The following CDK8 variants were observed in gnomAD, a reference collection of about 807,000 sequenced individuals.
The protein encoded by CDK8 is cyclin-dependent kinase 8.
A neutral mutation model predicts 71.5 loss-of-function variants in CDK8; 29 were observed. The observed-to-expected ratio is 0.41, with a 90% CI of 0.30 to 0.55. The LOEUF (loss-of-function observed/expected upper bound fraction) is 0.55, where lower values mean the gene tolerates loss of function less well. CDK8 is among the 20% of genes least tolerant of loss of function. The pLI, the probability that CDK8 is intolerant of heterozygous loss-of-function variation, is 0.37. For missense variants in CDK8, 288 were observed against 572.6 expected, an observed-to-expected ratio of 0.50 and a Z score of 5.07; for synonymous variants, 161 against 192.1, an observed-to-expected ratio of 0.84 and a Z score of 1.34.
intron 1 of CDK8, among the ~76,000 whole-genome samples, chr13:26,291,388 A>G (rs1001149784): frequency 2.0e-5 from 3 of 152,160 alleles, no homozygotes; most frequent in Admixed American, 6.5e-5. Flanking sequence ...ATGTATATAC[A>G]TATAGAAAGA....
chr13:26,359,237 C>T (rs1419781900), intron 4 of CDK8, among the ~76,000 whole-genome samples: 3 of 123,008 alleles, frequency 2.4e-5, no homozygotes, highest in Admixed American at 8.4e-5. Flanking sequence ...AGTTACGGGA[C>T]GTTACTGTTT....
chr13:26,404,658 C>A lies in CDK8; in HGVS notation c.*577C>A, dbSNP rs1243385773. The A allele has an allele frequency of 4.4e-5, 10 of 229,772 alleles. No homozygotes were observed. Among genetic ancestry groups the A allele is most frequent in the Non-Finnish European group, 8.6e-5 (10 of 116,114 alleles). 14.2% of individuals were successfully genotyped at this position (229,772 alleles called of 1,614,324 possible). ...TATTGCTTGGATTTTTTTGAAAGTA[C>A]AAAAAGCCACATAGTTTTTCCAGAA... On this transcript the variant is annotated 3_prime_UTR_variant, in exon 13 of 13. Coordinates refer to ENST00000381527, the MANE Select transcript of CDK8 (RefSeq NM_001260.3).
At chr13:26,403,170 A>T (rs1876342109) in intron 12 of CDK8, among the ~76,000 whole-genome samples, 1 of 152,144 alleles carries the variant, frequency 6.6e-6, no homozygotes, top group Non-Finnish European at 1.5e-5. Flanking sequence ...TACTGTGGTT[A>T]TATTTTTACT....
At chr13:26,291,612 C>G (rs1337062790) in intron 1 of CDK8, among the ~76,000 whole-genome samples, 1 of 152,152 alleles carries the variant, frequency 6.6e-6, no homozygotes. Flanking sequence ...TTACAAGAAG[C>G]AAGGACTTTC....
At chr13:26,375,160 T>C (rs1001177972) in intron 4 of CDK8, among the ~76,000 whole-genome samples, 1 of 152,170 alleles carries the variant, frequency 6.6e-6, no homozygotes, top group African/African-American at 2.4e-5. Context: ...TTAAATTTTA[T>C]AAGGAGAAAA....
intron 1 of CDK8, among the ~76,000 whole-genome samples, chr13:26,335,508 TCTGCTTGC>T (rs1271620510): frequency 6.6e-6 from 1 of 152,146 alleles, no homozygotes; most frequent in African/African-American, 2.4e-5. Flanking sequence ...TAGTGTTTAT[TCTGCTTGC>T]CAGCAGCTAT....
At chr13:26,315,509 G>A (rs1287540609) in intron 1 of CDK8, among the ~76,000 whole-genome samples, 1 of 152,148 alleles carries the variant, frequency 6.6e-6, no homozygotes, top group East Asian at 1.9e-4. Flanking sequence ...TGTAGCTAGG[G>A]GAGGGGATGT....
intron 1 of CDK8, among the ~76,000 whole-genome samples, chr13:26,260,780 A>C (rs1871738588): frequency 6.6e-6 from 1 of 152,200 alleles, no homozygotes; most frequent in Admixed American, 6.5e-5. Context: ...TCTAATTCTG[A>C]TTTATAAACA....
intron 1 of CDK8, among the ~76,000 whole-genome samples, chr13:26,272,525 G>A (rs943340633): frequency 5.3e-5 from 8 of 152,140 alleles, no homozygotes; most frequent in African/African-American, 1.9e-4. Flanking sequence ...CCTGCCTGAG[G>A]CAGTTTTACA....
rs1250311286 is a variant in CDK8, at chr13:26,401,035, C to T, written c.1032-234C>T. Reference sequence around the variant, plus strand: ...CTGGGATAAAAGAAGAAAGCTGAATCATACTCGATGATTATTGATCATTTG... The same window carrying T: ...CTGGGATAAAAGAAGAAAGCTGAATTATACTCGATGATTATTGATCATTTG... On this transcript the variant is annotated intron_variant, in intron 10 of 12. Coordinates refer to ENST00000381527, the MANE Select transcript of CDK8 (RefSeq NM_001260.3). The surrounding 1 kb of genome is among the most constrained non-coding windows in gnomAD (Gnocchi z 4.5). Among the ~76,000 whole-genome samples, 1 of 152,154 alleles carries T rather than the reference C, an allele frequency of 6.6e-6. No individual in the cohort carries two copies. Among genetic ancestry groups the T allele is most frequent in the South Asian group, 2.1e-4 (1 of 4,824 alleles).
intron 1 of CDK8, among the ~76,000 whole-genome samples, chr13:26,311,402 G>A (rs1482184397): frequency 2.6e-5 from 4 of 151,980 alleles, no homozygotes; most frequent in South Asian, 2.1e-4. Flanking sequence ...GTTAGAATGC[G>A]TTTGGTCGCA....
chr13:26,313,986 G>A (rs1027180949), intron 1 of CDK8, among the ~76,000 whole-genome samples: 19 of 152,170 alleles, frequency 1.2e-4, no homozygotes, highest in African/African-American at 3.9e-4. Flanking sequence ...CCAGGTGACT[G>A]GATTGAGGGG....
chr13:26,314,551 A>G (rs907837806), intron 1 of CDK8, among the ~76,000 whole-genome samples: 1 of 152,218 alleles, frequency 6.6e-6, no homozygotes, highest in Non-Finnish European at 1.5e-5. Flanking sequence ...GTTGACATTC[A>G]TGCAGGTGTT....
At position 26,348,924 on chromosome 13, in the gene CDK8, G is replaced by A. The variant is rs566382210; in HGVS notation, c.205-148G>A. On this transcript the variant is annotated intron_variant, in intron 2 of 12. Coordinates refer to ENST00000381527, the MANE Select transcript of CDK8 (RefSeq NM_001260.3). ...AGATATCTTCTCATTTGTTACTGAA[G>A]TATCCGTCTCAGAATTGTGTGGGTG... 36 of 657,062 alleles carry A rather than the reference G, an allele frequency of 5.5e-5. No individual in the cohort carries two copies. In the South Asian group the frequency reaches 6.1e-4, roughly 11 times the overall value. The allele number at this position is 657,062 out of a possible 1,614,324, so 40.7% of individuals were successfully genotyped here.
intron 2 of CDK8, among the ~76,000 whole-genome samples, chr13:26,339,990 A>G (rs1873170858): frequency 6.6e-6 from 1 of 151,732 alleles, no homozygotes; most frequent in Non-Finnish European, 1.5e-5. Flanking sequence ...TTTATTCCCA[A>G]CTGTGAGGAA....
chr13:26,331,870 G>A (rs994474966), intron 1 of CDK8, among the ~76,000 whole-genome samples: 2 of 151,992 alleles, frequency 1.3e-5, no homozygotes, highest in Admixed American at 1.3e-4. Context: ...ATTTTGACTG[G>A]GATTGTATTG....
At chr13:26,348,974 A>G in intron 2 of CDK8, 98 bp from the exon 3 acceptor site, 1 of 767,232 alleles carries the variant, frequency 1.3e-6, no homozygotes, top group Non-Finnish European at 2.3e-6. Flanking sequence ...AAGATTGTTT[A>G]CCTGTGGGTT....
chr13:26,323,711 T>G (rs1183129479), intron 1 of CDK8, among the ~76,000 whole-genome samples: 2 of 152,194 alleles, frequency 1.3e-5, no homozygotes, highest in African/African-American at 4.8e-5. Flanking sequence ...TAAGGAATTC[T>G]GTAGTGTAAA....
At chr13:26,313,201 G>T (rs916243336) in intron 1 of CDK8, among the ~76,000 whole-genome samples, 2 of 152,118 alleles carry the variant, frequency 1.3e-5, no homozygotes, top group South Asian at 4.1e-4. Flanking sequence ...GTTTTTTCTT[G>T]ATATCTCCAT....
Sources: gnomAD v4.1 joint callset for allele counts (sites outside exome capture counted in the v4.1 genomes callset) on GRCh38, gnomAD v4.1.1 for gene constraint, Gnocchi (gnomAD v3.1) non-coding constraint, MANE v1.5 for transcripts, NCBI Gene and HGNC (gene_info 2026-07-23, HGNC 2026-07-21) for gene names.